The following TRRAP variants were observed in gnomAD, a reference collection of about 807,000 sequenced individuals.
TRRAP encodes transformation/transcription domain-associated protein.
A neutral mutation model predicts 438.8 loss-of-function variants in TRRAP; 41 were observed. That is an observed-to-expected ratio of 0.09 (90% confidence interval 0.07 to 0.12). The LOEUF (loss-of-function observed/expected upper bound fraction) is 0.12. Among genes scored for constraint, TRRAP ranks in the 10% least tolerant of loss-of-function variants. The pLI is 1.00. For synonymous variants in TRRAP, 1,994 were observed against 1,962.9 expected, an observed-to-expected ratio of 1.02 and a Z score of -0.42; for missense variants, 3,122 against 5,055.1, an observed-to-expected ratio of 0.62 and a Z score of 11.60.
chr7:99,003,131 G>A (rs1191106243), intron 67 of TRRAP, among the ~76,000 whole-genome samples: 1 of 152,092 alleles, frequency 6.6e-6, no homozygotes, highest in Non-Finnish European at 1.5e-5. Context: ...TGCAGTTTTG[G>A]TTGGGTTCGT....
At chr7:98,936,774 C>G (rs200477250) in intron 28 of TRRAP, among the ~76,000 whole-genome samples, 1 of 152,170 alleles carries the variant, frequency 6.6e-6, no homozygotes, top group Non-Finnish European at 1.5e-5. Context: ...CATCTGAAGA[C>G]GTAAGATTTA....
rs782004213 is a variant in TRRAP at position 98,931,394 on chromosome 7, C to T, written c.3592-11C>T. On this transcript the variant is annotated splice_polypyrimidine_tract_variant and intron_variant, in intron 25 of 72. Coordinates refer to ENST00000456197, the MANE Select transcript of TRRAP (RefSeq NM_001375524.1). ...GCCCTGCTTTCATTCTAAGACATCC[C>T]TGACTTGCAGGTTTCCAATGGGGCA... The T allele has an allele frequency of 1.2e-5, 19 of 1,611,710 alleles. No individual in the cohort carries two copies. The highest frequency in any genetic ancestry group is 7.7e-5 in the South Asian group (7 of 91,048).
intron 52 of TRRAP, among the ~76,000 whole-genome samples, chr7:98,971,537 A>T (rs1018069549): frequency 2.6e-5 from 4 of 152,252 alleles, no homozygotes; most frequent in African/African-American, 9.6e-5. Flanking sequence ...TTATTCTTTT[A>T]AATTGTGCTT....
chr7:98,999,689 G>C, intron 67 of TRRAP: 1 of 899,042 alleles, frequency 1.1e-6, no homozygotes, highest in East Asian at 2.4e-5. Context: ...GGATAATCTG[G>C]TGGCAGTTCA....
Position 98,949,148 on chromosome 7 carries a change from G to A in TRRAP, c.4789-269G>A, listed in dbSNP as rs564712389. ...CTCAGGAGCTTGAGGTGGGAGGATT[G>A]CTTGAGTTCGGAGTTGGAGGCTGCA... On this transcript the variant is annotated intron_variant, in intron 35 of 72. Coordinates refer to ENST00000456197, the MANE Select transcript of TRRAP (RefSeq NM_001375524.1). Among the ~76,000 whole-genome samples, 33 of 152,046 alleles carry A rather than the reference G, an allele frequency of 2.2e-4. No homozygotes were observed. In the South Asian group the frequency reaches 5.0e-3, roughly 23 times the overall value.
chr7:98,957,879 C>T (rs1341182149), intron 43 of TRRAP, 102 bp from the exon 44 acceptor site: 4 of 967,770 alleles, frequency 4.1e-6, no homozygotes, highest in African/African-American at 1.6e-5. Context: ...TGCCTCTGTC[C>T]CCGGGAGGTA....
chr7:98,949,966 A>G, intron 37 of TRRAP, 98 bp from the exon 38 acceptor site: 1 of 1,574,042 alleles, frequency 6.4e-7, no homozygotes, highest in Non-Finnish European at 8.6e-7. Flanking sequence ...GTTGTGGAGA[A>G]TGGGCTGTGT....
In TRRAP at chr7:99,009,371, G is replaced by C. The variant is rs553280215; in HGVS notation, c.10938+810G>C. On this transcript the variant is annotated intron_variant, in intron 70 of 72. Transcript: ENST00000456197. ...GTTCCAGTTCTCCTGGCTCCTGGAG[G>C]ACTTAGTTTGGTTGAGGAAGGTTGA... 2.2e-3 allele frequency among the ~76,000 whole-genome samples: 332 copies of C among 152,298 alleles called. 1 individual carries two copies. Among genetic ancestry groups the C allele is most frequent in the African/African-American group, 7.7e-3 (318 of 41,558 alleles).
intron 58 of TRRAP, 97 bp downstream of exon 58, chr7:98,979,001 G>C: frequency 6.6e-7 from 1 of 1,506,538 alleles, no homozygotes; most frequent in Non-Finnish European, 9.0e-7. Context: ...AAGCATTTTG[G>C]CAGTGGAAAG....
intron 29 of TRRAP, 34 bp from the exon 30 acceptor site, chr7:98,937,616 T>G (rs781830155): frequency 1.3e-6 from 2 of 1,580,268 alleles, no homozygotes; most frequent in Non-Finnish European, 1.7e-6. Flanking sequence ...TCCTCAGTTG[T>G]CTATTTTTCT....
chr7:98,990,152 C>T (rs553850538), intron 63 of TRRAP, among the ~76,000 whole-genome samples: 2 of 152,070 alleles, frequency 1.3e-5, no homozygotes, highest in Non-Finnish European at 2.9e-5. Context: ...TGCTTGAACC[C>T]GGGAGGTGGA....
chr7:98,928,940 ATTT>A (rs782385931), intron 23 of TRRAP, among the ~76,000 whole-genome samples: 1 of 128,160 alleles, frequency 7.8e-6, no homozygotes. Flanking sequence ...CGCCCGGCTA[ATTT>A]TTTTTTTTTT....
chr7:98,973,749 C>T (rs369708523), intron 53 of TRRAP, among the ~76,000 whole-genome samples: 1 of 152,194 alleles, frequency 6.6e-6, no homozygotes, highest in Admixed American at 6.5e-5. Flanking sequence ...CATACTGTTC[C>T]CAGATGCGTG....
chr7:99,007,957 T>C lies in TRRAP; in HGVS notation c.10754-420T>C, dbSNP rs375091310. On this transcript the variant is annotated intron_variant, in intron 69 of 72. Coordinates refer to ENST00000456197, the MANE Select transcript of TRRAP (RefSeq NM_001375524.1). ...TCTCCTGCCTCAGCCTCCTGAGTAG[T>C]TGGGATTACAGGCACCTGCCACCAC... Among the ~76,000 whole-genome samples, 93 of 151,790 alleles carry C rather than the reference T, an allele frequency of 6.1e-4. 1 individual carries two copies. The highest frequency in any genetic ancestry group is 1.5e-3 in the African/African-American group (64 of 41,410).
At chr7:98,910,992 A>T (rs1789241797) in intron 16 of TRRAP, 85 bp from the exon 17 acceptor site, 3 of 1,177,596 alleles carry the variant, frequency 2.5e-6, no homozygotes, top group Non-Finnish European at 3.5e-6. Flanking sequence ...TATTTTAAGT[A>T]TGCAGCTGAT....
chr7:98,888,536 CA>C (rs1297760554), intron 3 of TRRAP, among the ~76,000 whole-genome samples: 1 of 152,016 alleles, frequency 6.6e-6, no homozygotes, highest in South Asian at 2.1e-4. Flanking sequence ...GACTCCGTCT[CA>C]AAAAAAACTT....
intron 70 of TRRAP, 149 bp downstream of exon 70, chr7:99,008,710 A>T: frequency 1.1e-6 from 1 of 874,808 alleles, no homozygotes; most frequent in Non-Finnish European, 1.7e-6. Context: ...GACTCATGAG[A>T]TGGTGGAAAT....
At chr7:98,969,111 C>T (rs966273390) in intron 51 of TRRAP, among the ~76,000 whole-genome samples, 6 of 152,216 alleles carry the variant, frequency 3.9e-5, no homozygotes, top group Admixed American at 1.3e-4. Context: ...GAACCATTTC[C>T]GTAGTGTTCA....
chr7:98,931,464 C>G lies in TRRAP; in HGVS notation c.3651C>G (p.Cys1217Trp). The G allele has an allele frequency of 6.2e-7, 1 of 1,614,120 alleles. No individual in the cohort carries two copies. The change falls in exon 26 of 73, where the codon TGC (cysteine) becomes TGG (tryptophan). Residue 1217 changes from cysteine to tryptophan, a missense_variant. Physicochemically the swap from Cys to Trp is radical, Grantham distance 215. Coordinates refer to ENST00000456197, the MANE Select transcript of TRRAP (RefSeq NM_001375524.1). Reference sequence around the variant, plus strand: ...CGCTGGAGCAGCTTCTGATGCGGTGCGCAACGCCTTTAAAAGACGAGGAGA... The same window carrying G: ...CGCTGGAGCAGCTTCTGATGCGGTGGGCAACGCCTTTAAAAGACGAGGAGA... ...KTTLEQLLMR[C>W]ATPLKDEERA...
Sources: gnomAD v4.1 joint callset for allele counts (sites outside exome capture counted in the v4.1 genomes callset) on GRCh38, gnomAD v4.1.1 for gene constraint, MANE v1.5 for transcripts, NCBI Gene and HGNC (gene_info 2026-07-23, HGNC 2026-07-21) for gene names.